PPIL2: variants seen among roughly 807,000 people sequenced by gnomAD.
The protein encoded by PPIL2 is peptidylprolyl isomerase like 2, also known as RING-type E3 ubiquitin-protein ligase PPIL2.
In PPIL2, 50 loss-of-function variants were observed where a neutral mutation model predicts 75.2. That is an observed-to-expected ratio of 0.66 (90% confidence interval 0.53 to 0.84). The LOEUF is 0.84. Among genes scored for constraint, PPIL2 ranks in the 40% least tolerant of loss-of-function variants. PPIL2 has a pLI of 0.00. For missense variants in PPIL2, 590 were observed against 685.0 expected (o/e 0.86, Z 1.55); for synonymous variants, 245 against 258.8 (o/e 0.95, Z 0.51).
rs2067949481 is a variant in PPIL2 at position 21,696,732 on chromosome 22, T to G, written c.*1242T>G. 1 of 1,538,424 alleles carries G rather than the reference T, an allele frequency of 6.5e-7. No individual in the cohort carries two copies. The highest frequency in any genetic ancestry group is 8.7e-7 in the Non-Finnish European group (1 of 1,146,650). Reference sequence around the variant, plus strand: ...GTTTTCTCATTTTTGTTGCCCCAAATCTTGAACCTGTCAGCAACTTGCAGG... The same window carrying G: ...GTTTTCTCATTTTTGTTGCCCCAAAGCTTGAACCTGTCAGCAACTTGCAGG... On this transcript the variant is annotated 3_prime_UTR_variant, in exon 20 of 20. Coordinates refer to ENST00000398831, the MANE Select transcript of PPIL2 (RefSeq NM_014337.4).
intron 15 of PPIL2, among the ~76,000 whole-genome samples, chr22:21,690,159 G>A (rs941418125): frequency 2.0e-5 from 3 of 152,118 alleles, no homozygotes; most frequent in Admixed American, 6.5e-5. Flanking sequence ...GAGGTAGGTG[G>A]ATTGCCTGAG....
intron 6 of PPIL2, among the ~76,000 whole-genome samples, chr22:21,678,048 C>T (rs923503434): frequency 1.3e-5 from 2 of 151,912 alleles, no homozygotes; most frequent in Non-Finnish European, 2.9e-5. Context: ...CGTGTGCTAG[C>T]GGTGGAAGCA....
At chr22:21,677,443 C>A (rs2066920549) in intron 6 of PPIL2, among the ~76,000 whole-genome samples, 1 of 152,246 alleles carries the variant, frequency 6.6e-6, no homozygotes, top group Non-Finnish European at 1.5e-5. Flanking sequence ...GTCTGCAATC[C>A]CGGCACCTCG....
Position 21,695,714 on chromosome 22 carries a change from C to T in PPIL2, c.*224C>T. On this transcript the variant is annotated 3_prime_UTR_variant, in exon 20 of 20. Transcript: ENST00000398831. The stretch of plus-strand genomic sequence containing the variant: ...TTTCCAGGACCTGGCCCAGCCAGAG[C>T]CCACTGCTGGGACCTTCAAGCACAA... 7.3e-7 allele frequency: 1 copy of T among 1,360,860 alleles called. No individual in the cohort carries two copies. Among genetic ancestry groups the T allele is most frequent in the Non-Finnish European group, 9.5e-7 (1 of 1,052,844 alleles). The allele number at this position is 1,360,860 out of a possible 1,614,324, so 84.3% of individuals were successfully genotyped here.
At chr22:21,669,182 A>C (rs1037862939) in intron 1 of PPIL2, among the ~76,000 whole-genome samples, 2 of 149,888 alleles carry the variant, frequency 1.3e-5, no homozygotes, top group East Asian at 2.0e-4. Flanking sequence ...TTTGTTTTTG[A>C]GACAGAGTCT....
At chr22:21,673,274 A>C (rs1321722760) in intron 5 of PPIL2, among the ~76,000 whole-genome samples, 2 of 152,194 alleles carry the variant, frequency 1.3e-5, no homozygotes, top group Non-Finnish European at 2.9e-5. Flanking sequence ...GCTTCCCCCA[A>C]GGTCCGTGCC....
At chr22:21,675,037 A>G (rs561853333) in intron 5 of PPIL2, 27 bp from the exon 6 acceptor site, 1 of 1,587,038 alleles carries the variant, frequency 6.3e-7, no homozygotes, top group East Asian at 2.2e-5. Flanking sequence ...ATTCATTATC[A>G]TTAATTATTA....
At chr22:21,690,261 G>C (rs528468785) in intron 15 of PPIL2, among the ~76,000 whole-genome samples, 13 of 151,994 alleles carry the variant, frequency 8.6e-5, no homozygotes, top group African/African-American at 2.9e-4. Context: ...GCGTGCGCCT[G>C]TAGTCCCAGC....
rs938095313 is a variant in PPIL2, at chr22:21,670,482, G to A, written c.83-84G>A. ...AAAATTTGCATGAACTTTTTCATAA[G>A]CTGTAACTGAATTGCTAGCAGGTGC... On this transcript the variant is annotated intron_variant, in intron 2 of 19. Coordinates refer to ENST00000398831, the MANE Select transcript of PPIL2 (RefSeq NM_014337.4). 2.1e-5 allele frequency: 32 copies of A among 1,501,150 alleles called. No homozygotes were observed. The Admixed American group carries it at 5.4e-4, about 25-fold the overall frequency. 93.0% of individuals were successfully genotyped at this position (1,501,150 alleles called of 1,614,324 possible).
chr22:21,675,277 C>T (rs199861004), intron 6 of PPIL2, among the ~76,000 whole-genome samples, 162 bp downstream of exon 6: 2 of 152,188 alleles, frequency 1.3e-5, no homozygotes, highest in South Asian at 2.1e-4. Context: ...GTGGCTCACA[C>T]CTGTAAACCC....
intron 8 of PPIL2, 64 bp downstream of exon 8, chr22:21,682,590 C>G (rs1047982746): frequency 7.8e-7 from 1 of 1,287,590 alleles, no homozygotes; most frequent in Non-Finnish European, 1.1e-6. Context: ...CAGGCCTCTA[C>G]AGGGCCCTAC....
intron 13 of PPIL2, 98 bp from the exon 14 acceptor site, chr22:21,687,974 TG>T: frequency 5.4e-6 from 8 of 1,475,336 alleles, no homozygotes; most frequent in Non-Finnish European, 7.6e-6. Context: ...GCCCAGCCCC[TG>T]TGTGGAGCCA....
intron 1 of PPIL2, among the ~76,000 whole-genome samples, chr22:21,667,931 A>G (rs893372000): frequency 6.6e-6 from 1 of 151,930 alleles, no homozygotes; most frequent in East Asian, 1.9e-4. Context: ...GCCTGCCACC[A>G]TGCCCATGCT....
intron 15 of PPIL2, among the ~76,000 whole-genome samples, chr22:21,690,371 G>A (rs1404135865): frequency 6.7e-6 from 1 of 149,682 alleles, no homozygotes; most frequent in Non-Finnish European, 1.5e-5. Flanking sequence ...GCAGCAGTGA[G>A]ACCCTGTCTG....
At position 21,691,446 on chromosome 22, in the gene PPIL2, C is replaced by T. The variant is rs189805912; in HGVS notation, c.1140-2370C>T. 5.3e-5 allele frequency among the ~76,000 whole-genome samples: 8 copies of T among 152,048 alleles called. No individual in the cohort carries two copies. The East Asian group carries it at 9.7e-4, about 19-fold the overall frequency. On this transcript the variant is annotated intron_variant, in intron 15 of 19. Coordinates refer to ENST00000398831, the MANE Select transcript of PPIL2 (RefSeq NM_014337.4). ...CTATAATCCCAGCACTTTGGGAGGC[C>T]GAGGCAGGCGGATCACGAGGTCAGG...
chr22:21,682,894 T>C (rs1026696382), intron 8 of PPIL2, among the ~76,000 whole-genome samples: 2 of 152,200 alleles, frequency 1.3e-5, no homozygotes. Context: ...CACGTTCCGG[T>C]CCGATAGCTC....
chr22:21,690,470 T>C (rs2067573109), intron 15 of PPIL2, among the ~76,000 whole-genome samples: 1 of 152,168 alleles, frequency 6.6e-6, no homozygotes, highest in Non-Finnish European at 1.5e-5. Context: ...CCTTGGGGCT[T>C]TCATTTCAGG....
chr22:21,692,893 TC>T (rs1463079358), intron 15 of PPIL2, among the ~76,000 whole-genome samples: 1 of 145,298 alleles, frequency 6.9e-6, no homozygotes, highest in East Asian at 2.1e-4. Flanking sequence ...GCCACTGCAC[TC>T]CAGCCTGGGG....
downstream of PPIL2, chr22:21,699,797 G>A (rs2068046215): frequency 1.3e-5 from 2 of 152,804 alleles, no homozygotes; most frequent in South Asian, 2.1e-4. Flanking sequence ...TCGGTCCAGT[G>A]TGTTACTCTA....
Sources: allele counts gnomAD v4.1 joint callset (sites outside exome capture counted in the v4.1 genomes callset), GRCh38; gene constraint gnomAD v4.1.1; transcripts MANE v1.5; gene names NCBI Gene and HGNC (gene_info 2026-07-23, HGNC 2026-07-21).